The following SLC25A13 variants were observed in gnomAD, a reference collection of about 807,000 sequenced individuals.
SLC25A13 encodes electrogenic aspartate/glutamate antiporter SLC25A13, mitochondrial.
Under a neutral mutation model 85.5 loss-of-function variants are expected in SLC25A13, and 70 were observed. The ratio of observed to expected loss-of-function variants is 0.82; its 90% CI spans 0.68 to 1.00. SLC25A13 has a LOEUF of 1.00. Ranked by LOEUF, SLC25A13 falls within the 50% of genes least tolerant of loss-of-function variation. SLC25A13 has a pLI of 0.00. For synonymous variants in SLC25A13, 259 were observed against 288.7 expected, an observed-to-expected ratio of 0.90 and a Z score of 1.04; for missense variants, 765 against 819.8, an observed-to-expected ratio of 0.93 and a Z score of 0.82.
intron 11 of SLC25A13, among the ~76,000 whole-genome samples, chr7:96,174,695 GAC>G: frequency 6.6e-6 from 1 of 152,280 alleles, no homozygotes; most frequent in East Asian, 1.9e-4. Context: ...ACTATCCTGT[GAC>G]AGTCTTTTTA....
At chr7:96,316,936 A>C (rs1300804297) in intron 1 of SLC25A13, among the ~76,000 whole-genome samples, 1 of 152,148 alleles carries the variant, frequency 6.6e-6, no homozygotes, top group Non-Finnish European at 1.5e-5. Flanking sequence ...TTTGAACCCC[A>C]GCTCGATAAT....
intron 5 of SLC25A13, among the ~76,000 whole-genome samples, chr7:96,203,378 AATTTTT>A (rs1795334081): frequency 6.6e-6 from 1 of 152,116 alleles, no homozygotes; most frequent in Non-Finnish European, 1.5e-5. Context: ...CATCTCAGAT[AATTTTT>A]ACACTAAAAT....
rs1562830050 is a variant in SLC25A13, at chr7:96,191,099, TCTCA to T, written c.754+6_754+9del. On this transcript the variant is annotated splice_donor_region_variant and intron_variant, in intron 7 of 17. Coordinates refer to ENST00000265631, the MANE Select transcript of SLC25A13 (RefSeq NM_014251.3). The stretch of plus-strand genomic sequence containing the variant: ...CTTGCAGGCTAGAATTCAGATATAT[TCTCA>T]CTCACCCTTAGTCACTTCAACATCT... 6.2e-7 allele frequency: 1 copy of T among 1,613,796 alleles called. No homozygotes were observed.
intron 1 of SLC25A13, among the ~76,000 whole-genome samples, chr7:96,311,887 C>T (rs1465606298): frequency 6.6e-6 from 1 of 152,196 alleles, no homozygotes; most frequent in Non-Finnish European, 1.5e-5. Context: ...TTTTATCCTG[C>T]TACCCTGTTG....
At chr7:96,235,021 A>G in intron 3 of SLC25A13, 104 bp from the exon 4 acceptor site, 2 of 762,220 alleles carry the variant, frequency 2.6e-6, no homozygotes, top group Non-Finnish European at 4.4e-6. Flanking sequence ...CTGCCAAAAC[A>G]TAAAATTCAA....
intron 3 of SLC25A13, among the ~76,000 whole-genome samples, chr7:96,261,229 T>C (rs1221164402): frequency 6.6e-6 from 1 of 152,202 alleles, no homozygotes; most frequent in Non-Finnish European, 1.5e-5. Context: ...CTTTAATAAA[T>C]ATAACAACCT....
At chr7:96,235,584 T>C (rs555072780) in intron 3 of SLC25A13, among the ~76,000 whole-genome samples, 34 of 152,176 alleles carry the variant, frequency 2.2e-4, no homozygotes, top group African/African-American at 8.2e-4. Context: ...TGAGTACAAC[T>C]TGGATATGCG....
chr7:96,191,887 C>T (rs571181795), intron 6 of SLC25A13, among the ~76,000 whole-genome samples: 17 of 152,152 alleles, frequency 1.1e-4, no homozygotes, highest in Non-Finnish European at 1.6e-4. Flanking sequence ...AACCATATTT[C>T]TTCACAGGGG....
chr7:96,261,301 C>A (rs991536095), intron 3 of SLC25A13, among the ~76,000 whole-genome samples: 8 of 152,134 alleles, frequency 5.3e-5, no homozygotes, highest in Admixed American at 1.3e-4. Flanking sequence ...TAAAAGCACA[C>A]TGTTTAGAAC....
intron 13 of SLC25A13, among the ~76,000 whole-genome samples, chr7:96,161,834 TC>T (rs1165478361): frequency 1.3e-5 from 2 of 152,284 alleles, no homozygotes; most frequent in Middle Eastern, 3.4e-3. Flanking sequence ...CAAAAAGTTC[TC>T]CCAGGGAATA....
Position 96,223,789 on chromosome 7 carries a change from GAAAAAAAA to G in SLC25A13, c.328+11005_328+11012del, listed in dbSNP as rs56882933. Among the ~76,000 whole-genome samples, 341 of 94,222 alleles carry G rather than the reference GAAAAAAAA, an allele frequency of 3.6e-3. 1 individual carries two copies. Among genetic ancestry groups the G allele is most frequent in the African/African-American group, 0.012 (305 of 25,408 alleles). 61.8% of individuals were successfully genotyped at this position (94,222 alleles called of 152,430 possible). On this transcript the variant is annotated intron_variant, in intron 4 of 17. Transcript: ENST00000265631. ...GGCAACAGAGCGAGACTCCATCTCT[GAAAAAAAA>G]AAAAAAAAAAAAAAAAAAGTAGTAT...
intron 15 of SLC25A13, among the ~76,000 whole-genome samples, chr7:96,128,751 G>GTAT (rs1396234153): frequency 8.1e-6 from 1 of 123,136 alleles, no homozygotes; most frequent in Non-Finnish European, 1.7e-5. Context: ...AGAACTTAAA[G>GTAT]TATAATAATA....
At chr7:96,269,720 A>G (rs1798161240) in intron 3 of SLC25A13, among the ~76,000 whole-genome samples, 1 of 152,240 alleles carries the variant, frequency 6.6e-6, no homozygotes, top group African/African-American at 2.4e-5. Flanking sequence ...TCAAGTGCCC[A>G]TTACAGATGA....
rs561606502 is a variant in SLC25A13, at chr7:96,289,347, G to A, written c.69+7551C>T. On this transcript the variant is annotated intron_variant, in intron 2 of 17. Coordinates refer to ENST00000265631, the MANE Select transcript of SLC25A13 (RefSeq NM_014251.3). ...AAAGCTGAAAATTCTAAAAATCAGA[G>A]CACCTCTCCTGCTCCAAAGGAACGC... is the stretch of plus-strand genomic sequence containing the variant. Among the ~76,000 whole-genome samples, 5 of 152,276 alleles carry A rather than the reference G, an allele frequency of 3.3e-5. No individual in the cohort carries two copies. In the South Asian group the frequency reaches 1.0e-3, roughly 32 times the overall value.
intron 13 of SLC25A13, among the ~76,000 whole-genome samples, chr7:96,149,794 C>T (rs572383578): frequency 6.6e-6 from 1 of 152,304 alleles, no homozygotes; most frequent in African/African-American, 2.4e-5. Context: ...CACTGCGTGC[C>T]GCTCTTCCAA....
chr7:96,192,923 T>A (rs1794913568), intron 6 of SLC25A13, 114 bp downstream of exon 6: 4 of 1,191,552 alleles, frequency 3.4e-6, no homozygotes, highest in Non-Finnish European at 4.9e-6. Context: ...TGTGATCACA[T>A]TAAAATGTTA....
chr7:96,128,796 T>TAAA (rs1413353075), intron 15 of SLC25A13, among the ~76,000 whole-genome samples: 1 of 140,498 alleles, frequency 7.1e-6, no homozygotes, highest in Non-Finnish European at 1.6e-5. Context: ...ATAATAATAA[T>TAAA]AAAAGTCAAT....
intron 13 of SLC25A13, among the ~76,000 whole-genome samples, chr7:96,150,397 T>A (rs2116495978): frequency 6.6e-6 from 1 of 152,248 alleles, no homozygotes; most frequent in South Asian, 2.1e-4. Flanking sequence ...ATATATTACA[T>A]ATTTTCAGTC....
chr7:96,283,684 G>T, intron 2 of SLC25A13: 1 of 291,666 alleles, frequency 3.4e-6, no homozygotes, highest in Non-Finnish European at 6.7e-6. Context: ...AATGCATGAA[G>T]AAAAATGATC....
Sources: gnomAD v4.1 joint callset for allele counts (sites outside exome capture counted in the v4.1 genomes callset) on GRCh38, gnomAD v4.1.1 for gene constraint, MANE v1.5 for transcripts, NCBI Gene and HGNC (gene_info 2026-07-23, HGNC 2026-07-21) for gene names.